The following CCDC190 variants were observed in gnomAD, a reference collection of about 807,000 sequenced individuals.
CCDC190 encodes coiled-coil domain containing 190, also known as coiled-coil domain-containing protein 190.
A neutral mutation model predicts 13.1 loss-of-function variants in CCDC190; 10 were observed. The observed-to-expected ratio is 0.77, with a 90% CI of 0.47 to 1.30. The LOEUF is 1.30. CCDC190 is among the 50% of genes most tolerant of loss of function. The pLI, the probability that CCDC190 is intolerant of heterozygous loss-of-function variation, is 0.00. For synonymous variants in CCDC190, 136 were observed against 127.2 expected, an observed-to-expected ratio of 1.07 and a Z score of -0.47; for missense variants, 375 against 354.3, an observed-to-expected ratio of 1.06 and a Z score of -0.47.
intron 1 of CCDC190, among the ~76,000 whole-genome samples, chr1:162,868,502 C>T (rs1400741810): frequency 6.6e-6 from 1 of 152,140 alleles, no homozygotes; most frequent in Non-Finnish European, 1.5e-5. Flanking sequence ...ACCCACAGAC[C>T]CTCTGGAGGA....
At chr1:162,862,413 C>T (rs1650553045), upstream of CCDC190, among the ~76,000 whole-genome samples, 1 of 152,156 alleles carries the variant, frequency 6.6e-6, no homozygotes. Context: ...CCAGAGAGGA[C>T]CTGGCTCCAT....
rs1427799024 is a variant in CCDC190, at chr1:162,854,624, G to A, written c.*141C>T. On this transcript the variant is annotated 3_prime_UTR_variant, in exon 4 of 4. Transcript: ENST00000367912. ...TTCATTCAAGAAATATTATATTCCC[G>A]GAAAATAATAGGGAGTTTAAAATAA... is the stretch of plus-strand genomic sequence containing the variant. The A allele has an allele frequency of 1.7e-5, 24 of 1,386,960 alleles. No individual in the cohort carries two copies. The highest frequency in any genetic ancestry group is 5.5e-5 in the South Asian group (3 of 54,082). 85.9% of individuals were successfully genotyped at this position (1,386,960 alleles called of 1,614,324 possible).
At chr1:162,860,917 G>T in intron 1 of CCDC190, 91 bp downstream of exon 1, 1 of 475,060 alleles carries the variant, frequency 2.1e-6, no homozygotes, top group Non-Finnish European at 2.8e-6. Context: ...ATAAGGTCAG[G>T]ACATGGGAAA....
At chr1:162,863,940 AC>A (rs1448328351), upstream of CCDC190, among the ~76,000 whole-genome samples, 1 of 150,944 alleles carries the variant, frequency 6.6e-6, no homozygotes, top group African/African-American at 2.4e-5. Context: ...AATCATTTGA[AC>A]CCGGGAGGTG....
intron 2 of CCDC190, among the ~76,000 whole-genome samples, chr1:162,858,008 T>C (rs1355286): frequency 0.15 from 23,337 of 152,238 alleles, 1,940 homozygotes; most frequent in African/African-American, 0.2. Flanking sequence ...CTTAAATAAT[T>C]CACTCACTGG....
chr1:162,855,575 T>G, intron 3 of CCDC190, 57 bp downstream of exon 3: 2 of 1,593,096 alleles, frequency 1.3e-6, no homozygotes, highest in South Asian at 1.1e-5. Context: ...TTTAAAGAGG[T>G]CATTTGGGAA....
intron 2 of CCDC190, 89 bp from the exon 3 acceptor site, chr1:162,855,844 G>A: frequency 2.5e-6 from 3 of 1,206,684 alleles, no homozygotes; most frequent in Non-Finnish European, 3.5e-6. Context: ...ACCTTAGGGT[G>A]GGACCTTATT....
chr1:162,858,011 C>G (rs913496672), intron 2 of CCDC190, among the ~76,000 whole-genome samples: 15 of 152,232 alleles, frequency 9.9e-5, no homozygotes, highest in Admixed American at 4.6e-4. Flanking sequence ...AAATAATTCA[C>G]TCACTGGCAT....
chr1:162,866,271 G>C (rs6676559), intron 1 of CCDC190, among the ~76,000 whole-genome samples: 78,986 of 151,842 alleles, frequency 0.52, 21,535 homozygotes, highest in Middle Eastern at 0.63. Context: ...GACCAGCCTG[G>C]CCAACATGGT....
chr1:162,855,213 T>G lies in CCDC190; in HGVS notation c.458A>C (p.Gln153Pro). 6.2e-7 allele frequency: 1 copy of G among 1,613,980 alleles called. No homozygotes were observed. Among genetic ancestry groups the G allele is most frequent in the Non-Finnish European group, 8.5e-7 (1 of 1,179,878 alleles). ...NNRTACFIKE[Q>P]PQAQEKDSVN... ...AGAATCTTTCTCTTGGGCTTGTGGTTGCTCTTTTATGAAGCAGGCAGTTCT... is the reference window on the plus strand; with the variant it reads ...AGAATCTTTCTCTTGGGCTTGTGGTGGCTCTTTTATGAAGCAGGCAGTTCT... Residue 153 changes from glutamine (Q) to proline (P), a missense_variant, in exon 4 of 4, where the codon CAA (glutamine) becomes CCA (proline). Coordinates refer to ENST00000367912, the MANE Select transcript of CCDC190 (RefSeq NM_001394065.1).
intron 2 of CCDC190, among the ~76,000 whole-genome samples, chr1:162,857,177 A>G (rs975792485): frequency 6.6e-6 from 1 of 152,118 alleles, no homozygotes; most frequent in East Asian, 1.9e-4. Flanking sequence ...TACTTTCTAA[A>G]TATCTTGAGA....
chr1:162,853,043 A>G lies in CCDC190; in HGVS notation c.*1722T>C, dbSNP rs1438666802. The G allele has an allele frequency of 9.6e-6, 13 of 1,354,904 alleles. No individual in the cohort carries two copies. The highest frequency in any genetic ancestry group is 1.4e-5 in the African/African-American group (1 of 69,294). The allele number at this position is 1,354,904 out of a possible 1,614,324, so 83.9% of individuals were successfully genotyped here. The stretch of plus-strand genomic sequence containing the variant: ...TTTTTGTGAATCAATCAGTTCTGTC[A>G]CTTATGGCCTGCCTTCCTCTGTTGC... On this transcript the variant is annotated 3_prime_UTR_variant, in exon 4 of 4. Transcript: ENST00000367912.
Position 162,855,664 on chromosome 1 carries a change from C to T in CCDC190, c.279G>A (p.Gln93=). ...TCTTAGCCTGTGGGGCTCTGTGCTTCTGCCTTCCCTGTGGTGAGAACACGA... is the reference window on the plus strand; with the variant it reads ...TCTTAGCCTGTGGGGCTCTGTGCTTTTGCCTTCCCTGTGGTGAGAACACGA... ...DVLVFSPQGR[Q]KHRAPQAKKM... Residue 93 remains glutamine (Q), a synonymous_variant, in exon 3 of 4, where the codon CAG becomes CAA. Transcript: ENST00000367912. The T allele has an allele frequency of 2.5e-6, 4 of 1,613,848 alleles. No individual in the cohort carries two copies. Among genetic ancestry groups the T allele is most frequent in the African/African-American group, 2.7e-5 (2 of 75,056 alleles).
chr1:162,863,000 G>T (rs529782248), upstream of CCDC190, among the ~76,000 whole-genome samples: 228 of 151,138 alleles, frequency 1.5e-3, no homozygotes, highest in Non-Finnish European at 2.6e-3. Context: ...TGTAGAATTT[G>T]CCCAGGATAT....
chr1:162,863,439 C>T (rs4038183), upstream of CCDC190, among the ~76,000 whole-genome samples: 122,554 of 152,000 alleles, frequency 0.81, 51,650 homozygotes, highest in Non-Finnish European at 0.94. Context: ...AAAGATGGAG[C>T]AATAGGAACT....
chr1:162,865,374 A>G (rs1326123893), upstream of CCDC190, among the ~76,000 whole-genome samples: 1 of 152,166 alleles, frequency 6.6e-6, no homozygotes, highest in Non-Finnish European at 1.5e-5. Flanking sequence ...TTGAAACAAC[A>G]CTATCAACCA....
At position 162,857,059 on chromosome 1, in the gene CCDC190, A is replaced by T. The variant is rs540584431; in HGVS notation, c.188-1304T>A. ...TGGTACTTCTGCCCACCCAGTTACCAGATTTGACAAGCTCGTTTGAGCGCC... is the reference window on the plus strand; with the variant it reads ...TGGTACTTCTGCCCACCCAGTTACCTGATTTGACAAGCTCGTTTGAGCGCC... On this transcript the variant is annotated intron_variant, in intron 2 of 3. Transcript: ENST00000367912. Among the ~76,000 whole-genome samples, 5 of 152,216 alleles carry T rather than the reference A, an allele frequency of 3.3e-5. No individual in the cohort carries two copies. The South Asian group carries it at 1.0e-3, about 32-fold the overall frequency.
upstream of CCDC190, among the ~76,000 whole-genome samples, chr1:162,863,440 A>C (rs1650589601): frequency 6.6e-6 from 1 of 152,230 alleles, no homozygotes. Context: ...AAGATGGAGC[A>C]ATAGGAACTA....
At chr1:162,866,662 A>T (rs966000863) in intron 1 of CCDC190, among the ~76,000 whole-genome samples, 15 of 152,220 alleles carry the variant, frequency 9.9e-5, no homozygotes, top group Non-Finnish European at 2.2e-4. Context: ...TGAACAAATT[A>T]TATAGGACTT....
Sources: gnomAD v4.1 joint callset for allele counts (sites outside exome capture counted in the v4.1 genomes callset) on GRCh38, gnomAD v4.1.1 for gene constraint, MANE v1.5 for transcripts, NCBI Gene and HGNC (gene_info 2026-07-23, HGNC 2026-07-21) for gene names.